CDH23: variants seen among roughly 807,000 people sequenced by gnomAD.
The protein encoded by CDH23 is cadherin related 23.
A neutral mutation model predicts 317.1 loss-of-function variants in CDH23; 189 were observed. That is an observed-to-expected ratio of 0.60 (90% CI 0.53 to 0.67). CDH23 has a LOEUF of 0.67. Ranked by LOEUF, CDH23 falls within the 30% of genes least tolerant of loss-of-function variation. The probability of loss-of-function intolerance (pLI) is 0.00; values close to 1 mark genes in which losing one functional copy is unlikely to be tolerated. For synonymous variants in CDH23, 1,839 were observed against 1,876.8 expected (o/e 0.98, Z 0.52); for missense variants, 4,401 against 4,592.4 (o/e 0.96, Z 1.20).
In CDH23 at chr10:71,793,659, C is replaced by T. The variant is rs1001856738; in HGVS notation, c.6712+19C>T. ...AACACAGGTACAAGGGCCTGCACCC[C>T]TCCCACCTCCCTCCCAGCTCCCAGT... is the stretch of plus-strand genomic sequence containing the variant. On this transcript the variant is annotated intron_variant, in intron 48 of 69. Transcript: ENST00000224721. 2 of 1,510,902 alleles carry T rather than the reference C, an allele frequency of 1.3e-6. No homozygotes were observed. The highest frequency in any genetic ancestry group is 8.9e-7 in the Non-Finnish European group (1 of 1,119,888). 93.6% of individuals were successfully genotyped at this position (1,510,902 alleles called of 1,614,324 possible). A position where few individuals can be genotyped will look rare whatever the true frequency, so the allele number is the denominator to read the frequency against.
At chr10:71,528,180 T>C (rs1855150323) in intron 6 of CDH23, among the ~76,000 whole-genome samples, 1 of 152,116 alleles carries the variant, frequency 6.6e-6, no homozygotes, top group African/African-American at 2.4e-5. Flanking sequence ...TCTCGTAGCA[T>C]TCCTGTGCCC....
intron 14 of CDH23, among the ~76,000 whole-genome samples, chr10:71,652,339 G>A (rs34933436): frequency 0.22 from 33,465 of 152,240 alleles, 3,959 homozygotes; most frequent in Non-Finnish European, 0.27. Flanking sequence ...ACTATGAGCT[G>A]GTCACTCCTT....
intron 1 of CDH23, among the ~76,000 whole-genome samples, chr10:71,423,136 G>A (rs1053860218): frequency 6.6e-6 from 1 of 152,194 alleles, no homozygotes; most frequent in Non-Finnish European, 1.5e-5. Context: ...CCTGATCCTA[G>A]GGTCCTCCAG....
At chr10:71,800,912 G>A (rs1196591263) in intron 53 of CDH23, among the ~76,000 whole-genome samples, 157 bp downstream of exon 53, 2 of 152,158 alleles carry the variant, frequency 1.3e-5, no homozygotes, top group African/African-American at 2.4e-5. Context: ...AGGGTAACTG[G>A]ATGGGTTACA....
At chr10:71,462,713 G>A (rs1039101752) in intron 3 of CDH23, among the ~76,000 whole-genome samples, 24 of 152,334 alleles carry the variant, frequency 1.6e-4, no homozygotes, top group African/African-American at 4.8e-4. Context: ...GCCAGCACAG[G>A]GCCTGGCCCC....
intron 69 of CDH23, among the ~76,000 whole-genome samples, chr10:71,814,451 G>T (rs867035003): frequency 6.6e-6 from 1 of 152,206 alleles, no homozygotes; most frequent in Middle Eastern, 3.2e-3. Context: ...GCTCACACTT[G>T]TAATCCCAGC....
rs564225555 is a variant in CDH23 at position 71,599,193 on chromosome 10, TGGA to T, written c.833-16310_833-16308del. ...TGTTGACATTTTGCCATATTTGCTTTGGATCTTTTTTGCTCTTCTTTTTGTTCT... is the reference window on the plus strand; with the variant it reads ...TGTTGACATTTTGCCATATTTGCTTTTCTTTTTTGCTCTTCTTTTTGTTCT... On this transcript the variant is annotated intron_variant, in intron 9 of 69. Transcript: ENST00000224721. Among the ~76,000 whole-genome samples, 251 of 152,354 alleles carry T rather than the reference TGGA, an allele frequency of 1.6e-3. 1 individual carries two copies. Among genetic ancestry groups the T allele is most frequent in the South Asian group, 0.012 (57 of 4,828 alleles).
chr10:71,604,065 G>C (rs1218060304), intron 9 of CDH23, among the ~76,000 whole-genome samples: 1 of 152,150 alleles, frequency 6.6e-6, no homozygotes, highest in East Asian at 1.9e-4. Flanking sequence ...TGTGACTTCA[G>C]GCAAATCATT....
At chr10:71,703,251 C>T (rs1184341055) in intron 24 of CDH23, among the ~76,000 whole-genome samples, 3 of 152,194 alleles carry the variant, frequency 2.0e-5, no homozygotes, top group African/African-American at 4.8e-5. Flanking sequence ...GGGGAGATGA[C>T]ATCCAGGGTT....
At position 71,809,862 on chromosome 10, in the gene CDH23, C is replaced by T. The variant is rs372613108; in HGVS notation, c.8765C>T (p.Ala2922Val). The T allele has an allele frequency of 3.5e-5, 57 of 1,613,282 alleles. No individual in the cohort carries two copies. Among genetic ancestry groups the T allele is most frequent in the Non-Finnish European group, 4.7e-5 (55 of 1,179,912 alleles). ...CTGCGCACCTTCGACCTCTTCATGGCCTACAGCCCCGGCTACTTCGTGGTG... is the reference window on the plus strand; with the variant it reads ...CTGCGCACCTTCGACCTCTTCATGGTCTACAGCCCCGGCTACTTCGTGGTG... The part of the protein sequence containing the change: ...GILRTFDLFM[A>V]YSPGYFVVDI... The change falls in exon 61 of 70, where the codon GCC (alanine) becomes GTC (valine). Residue 2922 changes from alanine to valine, a missense_variant. Around this residue, in one of 3 missense-constraint regions of CDH23, gnomAD observed 1,144 missense variants for 1,138.2 expected, o/e 1.01. Coordinates refer to ENST00000224721, the MANE Select transcript of CDH23 (RefSeq NM_022124.6).
intron 6 of CDH23, among the ~76,000 whole-genome samples, chr10:71,542,761 T>C (rs1856053182): frequency 6.6e-6 from 1 of 152,236 alleles, no homozygotes; most frequent in Non-Finnish European, 1.5e-5. Flanking sequence ...TGAATGAAAC[T>C]GACCCGCCCA....
At chr10:71,432,482 TGA>T (rs1202995717) in intron 1 of CDH23, among the ~76,000 whole-genome samples, 1 of 149,234 alleles carries the variant, frequency 6.7e-6, no homozygotes, top group African/African-American at 2.5e-5. Context: ...GGTGTGTGTT[TGA>T]GAGTGTGTGT....
In CDH23 at chr10:71,488,808, C is replaced by T. The variant is rs184667349; in HGVS notation, c.146-21274C>T. ...GCATTGACTAATTAAATAGCCTGAA[C>T]ATGTCTGTATCATTCTTGTTCTTAA... On this transcript the variant is annotated intron_variant, in intron 3 of 69. Coordinates refer to ENST00000224721, the MANE Select transcript of CDH23 (RefSeq NM_022124.6). 7.9e-5 allele frequency among the ~76,000 whole-genome samples: 12 copies of T among 152,290 alleles called. No individual in the cohort carries two copies. In the East Asian group the frequency reaches 2.3e-3, roughly 29 times the overall value.
intron 14 of CDH23, among the ~76,000 whole-genome samples, chr10:71,663,677 G>A (rs544412270): frequency 2.6e-5 from 4 of 152,298 alleles, no homozygotes; most frequent in Admixed American, 6.5e-5. Flanking sequence ...TCATAGAGTG[G>A]GAGTGAAGAT....
At chr10:71,761,590 G>A in intron 38 of CDH23, 1 of 1,569,406 alleles carries the variant, frequency 6.4e-7, no homozygotes, top group African/African-American at 1.3e-5. Context: ...CGTGCAGGAT[G>A]CCCTCACCTG....
chr10:71,802,275 T>C (rs530096903), intron 53 of CDH23, among the ~76,000 whole-genome samples: 1 of 152,292 alleles, frequency 6.6e-6, no homozygotes, highest in South Asian at 2.1e-4. Flanking sequence ...GCCATTGCAC[T>C]CCAGCCTGGG....
intron 1 of CDH23, among the ~76,000 whole-genome samples, chr10:71,422,635 T>C (rs969976331): frequency 1.3e-5 from 2 of 152,186 alleles, no homozygotes; most frequent in African/African-American, 4.8e-5. Flanking sequence ...GAAGAAAAAT[T>C]GTTGAGGTGA....
intron 3 of CDH23, among the ~76,000 whole-genome samples, chr10:71,507,331 C>T (rs762159946): frequency 3.5e-4 from 53 of 152,292 alleles, no homozygotes; most frequent in Non-Finnish European, 6.6e-4. Flanking sequence ...ATGTATACTC[C>T]TAGAAGTCAG....
chr10:71,732,037 T>A lies in CDH23; in HGVS notation c.3766T>A (p.Phe1256Ile). 1 of 1,613,884 alleles carries A rather than the reference T, an allele frequency of 6.2e-7. No individual in the cohort carries two copies. The highest frequency in any genetic ancestry group is 2.2e-5 in the East Asian group (1 of 44,872). ...CATCCTGTCGGGCGCAGAGGGGAAG[T>A]TTGAGATTGACGAGAGCACAGGGCT... ...YRILSGAEGK[F>I]EIDESTGLII... The change falls in exon 32 of 70, where the codon TTT becomes ATT. Residue 1256 changes from phenylalanine (F) to isoleucine (I), a missense_variant. Phe to Ile is a conservative substitution (Grantham distance 21, BLOSUM62 0). Around this residue, in one of 3 missense-constraint regions of CDH23, gnomAD observed 3,068 missense variants for 3,203.3 expected, o/e 0.96. Coordinates refer to ENST00000224721, the MANE Select transcript of CDH23 (RefSeq NM_022124.6).
Sources: allele counts gnomAD v4.1 joint callset (sites outside exome capture counted in the v4.1 genomes callset), GRCh38; gene constraint gnomAD v4.1.1; regional missense constraint gnomAD v4.1.1; transcripts MANE v1.5; gene names NCBI Gene and HGNC (gene_info 2026-07-23, HGNC 2026-07-21).